The following MEF2A variants were observed in gnomAD, a reference collection of about 807,000 sequenced individuals.
MEF2A encodes myocyte enhancer factor 2A, also known as myocyte-specific enhancer factor 2A.
In MEF2A, 28 loss-of-function variants were observed where a neutral mutation model predicts 55.8. The ratio of observed to expected loss-of-function variants is 0.50; its 90% confidence interval spans 0.37 to 0.69. The LOEUF is 0.69. MEF2A is among the 30% of genes least tolerant of loss of function. The pLI is 0.00. For missense variants in MEF2A, 528 were observed against 626.2 expected, an observed-to-expected ratio of 0.84 and a Z score of 1.67; for synonymous variants, 239 against 227.1, an observed-to-expected ratio of 1.05 and a Z score of -0.47.
chr15:99,700,183 TATATAC>T (rs2057194997), intron 8 of MEF2A, among the ~76,000 whole-genome samples: 2 of 46,512 alleles, frequency 4.3e-5, no homozygotes, highest in African/African-American at 6.4e-5. Flanking sequence ...TATGTGTGTA[TATATAC>T]ACACACACAC....
At chr15:99,632,936 A>T (rs1171354954) in intron 2 of MEF2A, 42 bp from the exon 3 acceptor site, 1 of 501,206 alleles carries the variant, frequency 2.0e-6, no homozygotes, top group African/African-American at 2.0e-5. Flanking sequence ...ATGATTTGTA[A>T]ACTTACAGAT....
At chr15:99,629,502 G>C (rs780248502) in intron 2 of MEF2A, among the ~76,000 whole-genome samples, 4 of 152,126 alleles carry the variant, frequency 2.6e-5, no homozygotes, top group Non-Finnish European at 4.4e-5. Context: ...GATAAGGTGG[G>C]CATGTAAAAG....
At chr15:99,644,999 T>TG (rs375778816) in intron 3 of MEF2A, among the ~76,000 whole-genome samples, 40 of 152,142 alleles carry the variant, frequency 2.6e-4, no homozygotes, top group East Asian at 2.3e-3. Context: ...AAAAATTTTT[T>TG]GGGGGGGTCT....
intron 1 of MEF2A, among the ~76,000 whole-genome samples, chr15:99,571,042 G>A (rs1336409984): frequency 1.3e-5 from 2 of 151,932 alleles, no homozygotes; most frequent in Non-Finnish European, 1.5e-5. Flanking sequence ...AAAATTAGCC[G>A]GGCATAGTGG....
chr15:99,703,295 A>C, intron 8 of MEF2A, 67 bp from the exon 9 acceptor site: 1 of 1,534,156 alleles, frequency 6.5e-7, no homozygotes, highest in Non-Finnish European at 9.0e-7. Context: ...TTTTCTAAAG[A>C]AATATTTTGT....
chr15:99,683,120 G>A (rs555273741), intron 7 of MEF2A, among the ~76,000 whole-genome samples: 1 of 152,276 alleles, frequency 6.6e-6, no homozygotes, highest in Non-Finnish European at 1.5e-5. Flanking sequence ...GGATGGCCTG[G>A]TGAAGTGGTT....
At chr15:99,703,656 T>A (rs1038455651) in intron 9 of MEF2A, among the ~76,000 whole-genome samples, 1 of 65,074 alleles carries the variant, frequency 1.5e-5, no homozygotes, top group Non-Finnish European at 4.8e-5. Flanking sequence ...ACTTGTTAAT[T>A]TTTTTTTTAA....
chr15:99,662,426 C>G (rs1425999893), intron 4 of MEF2A, among the ~76,000 whole-genome samples: 1 of 151,220 alleles, frequency 6.6e-6, no homozygotes, highest in Admixed American at 6.6e-5. Context: ...TAAAATATCA[C>G]AATAATCTAG....
chr15:99,586,382 TTTAC>T (rs1490568904), intron 1 of MEF2A, among the ~76,000 whole-genome samples: 1 of 152,212 alleles, frequency 6.6e-6, no homozygotes, highest in Non-Finnish European at 1.5e-5. Context: ...TTAGTGGATA[TTTAC>T]TTGTATATCC....
intron 3 of MEF2A, among the ~76,000 whole-genome samples, chr15:99,634,408 T>C (rs1426626609): frequency 6.6e-6 from 1 of 152,186 alleles, no homozygotes; most frequent in Non-Finnish European, 1.5e-5. Flanking sequence ...AAAGGAATCA[T>C]TCCAAGCAAG....
At chr15:99,656,663 C>T (rs1247643029) in intron 4 of MEF2A, among the ~76,000 whole-genome samples, 1 of 152,112 alleles carries the variant, frequency 6.6e-6, no homozygotes, top group Non-Finnish European at 1.5e-5. Flanking sequence ...TGTAGTAGTA[C>T]TGTCACATTA....
chr15:99,716,150 A>G lies in MEF2A; in HGVS notation c.*3379A>G, dbSNP rs2059131095. On this transcript the variant is annotated 3_prime_UTR_variant, in exon 12 of 12. Transcript: ENST00000557942. ...AGAAACTTTCTTCACTTTGCTGTGCAAGAAGACACTGCTTTGCTATATTTA... is the reference window on the plus strand; with the variant it reads ...AGAAACTTTCTTCACTTTGCTGTGCGAGAAGACACTGCTTTGCTATATTTA... The G allele has an allele frequency of 6.0e-6, 1 of 165,586 alleles. No homozygotes were observed. Among genetic ancestry groups the G allele is most frequent in the African/African-American group, 2.4e-5 (1 of 41,756 alleles). The allele number at this position is 165,586 out of a possible 1,614,324, so 10.3% of individuals were successfully genotyped here.
intron 3 of MEF2A, among the ~76,000 whole-genome samples, chr15:99,641,885 C>T (rs2045046380): frequency 6.6e-6 from 1 of 152,198 alleles, no homozygotes; most frequent in Non-Finnish European, 1.5e-5. Context: ...TTAGCACCGC[C>T]TCACTGCCAC....
intron 1 of MEF2A, among the ~76,000 whole-genome samples, chr15:99,573,667 G>C (rs1395387049): frequency 2.2e-4 from 33 of 152,124 alleles, no homozygotes; most frequent in Admixed American, 2.1e-3. Flanking sequence ...AGTTGAGGGG[G>C]GAACCTTATG....
chr15:99,580,666 A>T (rs1344114557), intron 1 of MEF2A, among the ~76,000 whole-genome samples: 1 of 152,184 alleles, frequency 6.6e-6, no homozygotes, highest in Non-Finnish European at 1.5e-5. Context: ...ATAAATAGGA[A>T]ATGGCTTGGT....
intron 11 of MEF2A, among the ~76,000 whole-genome samples, chr15:99,711,346 A>G (rs1309343920): frequency 1.3e-5 from 2 of 152,208 alleles, no homozygotes; most frequent in African/African-American, 4.8e-5. Flanking sequence ...TCCCAGCCCA[A>G]TGCACACACC....
At chr15:99,580,629 G>A (rs893119445) in intron 1 of MEF2A, among the ~76,000 whole-genome samples, 14 of 152,152 alleles carry the variant, frequency 9.2e-5, no homozygotes, top group African/African-American at 3.1e-4. Context: ...TGAAAAGCAA[G>A]GTTATTCAGA....
intron 4 of MEF2A, among the ~76,000 whole-genome samples, chr15:99,664,379 G>A (rs2049209146): frequency 6.6e-6 from 1 of 152,164 alleles, no homozygotes; most frequent in South Asian, 2.1e-4. Context: ...CATATTAAGG[G>A]CTCCATGGTC....
chr15:99,703,639 A>G (rs1567494511), intron 9 of MEF2A, among the ~76,000 whole-genome samples: 1 of 145,992 alleles, frequency 6.8e-6, no homozygotes, highest in Non-Finnish European at 1.5e-5. Context: ...GTCCATGAGC[A>G]TAGGATACTT....
Sources: allele counts gnomAD v4.1 joint callset (sites outside exome capture counted in the v4.1 genomes callset), GRCh38; gene constraint gnomAD v4.1.1; transcripts MANE v1.5; gene names NCBI Gene and HGNC (gene_info 2026-07-23, HGNC 2026-07-21).